Variants in GPC5 observed in about 807,000 individuals in gnomAD.
The protein encoded by GPC5 is glypican 5, also known as glypican-5.
GPC5 carries 47 observed loss-of-function variants against 53.9 expected under a neutral mutation model. The observed-to-expected ratio is 0.87, with a 90% CI of 0.69 to 1.11. The LOEUF (loss-of-function observed/expected upper bound fraction) is 1.11. Among genes scored for constraint, GPC5 ranks in the 50% most tolerant of loss-of-function variants. The probability of loss-of-function intolerance (pLI) is 0.00; values close to 1 mark genes in which losing one functional copy is unlikely to be tolerated. For missense variants in GPC5, 748 were observed against 713.1 expected (o/e 1.05, Z -0.56); for synonymous variants, 286 against 263.3 (o/e 1.09, Z -0.84).
chr13:92,544,514 A>G (rs1036943215), intron 7 of GPC5, among the ~76,000 whole-genome samples: 3 of 151,922 alleles, frequency 2.0e-5, no homozygotes, highest in Non-Finnish European at 2.9e-5. Context: ...GATGGTTTTT[A>G]TCTTCTGTTT....
chr13:92,665,619 T>C (rs1274658384), intron 7 of GPC5, among the ~76,000 whole-genome samples: 3 of 152,210 alleles, frequency 2.0e-5, no homozygotes. Flanking sequence ...AGTTTCACTG[T>C]ATTCTGAACC....
chr13:92,138,926 A>G (rs1195947827), intron 6 of GPC5, among the ~76,000 whole-genome samples: 1 of 152,176 alleles, frequency 6.6e-6, no homozygotes, highest in African/African-American at 2.4e-5. Flanking sequence ...GGAAAAAAAA[A>G]ATAACAGACT....
chr13:92,322,947 G>A (rs774956539), intron 7 of GPC5, among the ~76,000 whole-genome samples: 12 of 151,852 alleles, frequency 7.9e-5, no homozygotes, highest in Non-Finnish European at 1.2e-4. Flanking sequence ...ACCTGTCAGG[G>A]AAAGAGAAGG....
intron 7 of GPC5, among the ~76,000 whole-genome samples, chr13:92,610,968 AT>A (rs35225757): frequency 0.062 from 8,615 of 140,030 alleles, 362 homozygotes; most frequent in African/African-American, 0.12. Context: ...CTCAATACAT[AT>A]TTTTTTTTTT....
chr13:92,601,314 G>A (rs1884042120), intron 7 of GPC5, among the ~76,000 whole-genome samples: 1 of 152,074 alleles, frequency 6.6e-6, no homozygotes, highest in African/African-American at 2.4e-5. Flanking sequence ...CTAGCACTTT[G>A]GGAGGCGGAG....
At chr13:92,386,565 A>T (rs1874735239) in intron 7 of GPC5, among the ~76,000 whole-genome samples, 1 of 152,034 alleles carries the variant, frequency 6.6e-6, no homozygotes, top group African/African-American at 2.4e-5. Flanking sequence ...GTGTAGCACA[A>T]TAGTCATTTC....
chr13:91,719,674 A>G (rs2036422229), intron 3 of GPC5, among the ~76,000 whole-genome samples: 1 of 152,250 alleles, frequency 6.6e-6, no homozygotes, highest in South Asian at 2.1e-4. Context: ...ATTGTCATGT[A>G]AAAATTCATT....
intron 7 of GPC5, among the ~76,000 whole-genome samples, chr13:92,491,582 A>T (rs1461788528): frequency 6.6e-6 from 1 of 152,082 alleles, no homozygotes; most frequent in Non-Finnish European, 1.5e-5. Flanking sequence ...AATAAATGGG[A>T]TTTCACATTT....
intron 2 of GPC5, among the ~76,000 whole-genome samples, chr13:91,594,980 A>G (rs992324205): frequency 6.7e-6 from 1 of 148,288 alleles, no homozygotes; most frequent in African/African-American, 2.5e-5. Context: ...TTATTTTTTT[A>G]TTTACATTTA....
chr13:92,156,137 T>A (rs2041943479), intron 7 of GPC5, among the ~76,000 whole-genome samples: 1 of 152,166 alleles, frequency 6.6e-6, no homozygotes, highest in East Asian at 1.9e-4. Context: ...CTGGTCTTTT[T>A]CTCTCCCCAG....
At chr13:91,766,692 C>A (rs1165870071) in intron 5 of GPC5, among the ~76,000 whole-genome samples, 1 of 152,124 alleles carries the variant, frequency 6.6e-6, no homozygotes, top group Non-Finnish European at 1.5e-5. Flanking sequence ...GAAACCCTGT[C>A]TCTACTAAAA....
At chr13:92,364,812 A>C (rs2043595606) in intron 7 of GPC5, among the ~76,000 whole-genome samples, 1 of 151,840 alleles carries the variant, frequency 6.6e-6, no homozygotes, top group Admixed American at 6.6e-5. Context: ...CCTTTCCAAT[A>C]AAGGATTTAG....
At chr13:92,395,997 A>G (rs1875253616) in intron 7 of GPC5, among the ~76,000 whole-genome samples, 1 of 148,932 alleles carries the variant, frequency 6.7e-6, no homozygotes, top group African/African-American at 2.5e-5. Context: ...CTGTGGACTG[A>G]TATCTAGAAT....
chr13:91,889,763 G>C (rs1354676554), intron 5 of GPC5, among the ~76,000 whole-genome samples: 1 of 152,192 alleles, frequency 6.6e-6, no homozygotes, highest in Non-Finnish European at 1.5e-5. Context: ...CCTGGAACTA[G>C]AGGATGATTA....
intron 7 of GPC5, among the ~76,000 whole-genome samples, chr13:92,720,732 A>G (rs4238305): frequency 0.32 from 48,763 of 151,950 alleles, 8,428 homozygotes; most frequent in South Asian, 0.42. Flanking sequence ...AAGACTACAT[A>G]GGGAAAATTT....
intron 1 of GPC5, among the ~76,000 whole-genome samples, chr13:91,444,616 T>C (rs1345869427): frequency 1.3e-5 from 2 of 152,204 alleles, no homozygotes; most frequent in African/African-American, 4.8e-5. Flanking sequence ...TTTCTGGATT[T>C]ATTTTCCTTT....
Position 91,604,582 on chromosome 13 carries a change from G to A in GPC5, c.326-88605G>A, listed in dbSNP as rs1273884676. 2.1e-5 allele frequency among the ~76,000 whole-genome samples: 3 copies of A among 140,158 alleles called. No homozygotes were observed. The Admixed American group carries it at 2.2e-4, about 10-fold the overall frequency. 91.9% of individuals were successfully genotyped at this position (140,158 alleles called of 152,430 possible). A position where few individuals can be genotyped will look rare whatever the true frequency, so the allele number is the denominator to read the frequency against. On this transcript the variant is annotated intron_variant, in intron 2 of 7. Transcript: ENST00000377067. The stretch of plus-strand genomic sequence containing the variant: ...ACAGTCCCACCAACAGTGTAAAAGT[G>A]TTCCTATTTCTCCACATCCTCTCCA...
chr13:91,613,986 C>G (rs561324683), intron 2 of GPC5, among the ~76,000 whole-genome samples: 1 of 152,276 alleles, frequency 6.6e-6, no homozygotes, highest in East Asian at 1.9e-4. Context: ...TGTCAAAAAC[C>G]AGTGAAAGAT....
intron 7 of GPC5, among the ~76,000 whole-genome samples, chr13:92,594,669 T>C (rs1883811335): frequency 6.6e-6 from 1 of 152,208 alleles, no homozygotes; most frequent in African/African-American, 2.4e-5. Flanking sequence ...CTCAGGCTGC[T>C]TCCTGTATTT....
Sources: gnomAD v4.1 joint callset for allele counts (sites outside exome capture counted in the v4.1 genomes callset) on GRCh38, gnomAD v4.1.1 for gene constraint, MANE v1.5 for transcripts, NCBI Gene and HGNC (gene_info 2026-07-23, HGNC 2026-07-21) for gene names.